The following SLC16A12 variants were observed in gnomAD, a reference collection of about 807,000 sequenced individuals.
SLC16A12 encodes the protein monocarboxylate transporter 12.
In SLC16A12, 17 loss-of-function variants were observed where a neutral mutation model predicts 42.4. The observed-to-expected ratio is 0.40, with a 90% CI of 0.27 to 0.60. SLC16A12 has a LOEUF of 0.60. Among genes scored for constraint, SLC16A12 ranks in the 20% least tolerant of loss-of-function variants. The probability of loss-of-function intolerance (pLI) is 0.42; values close to 1 mark genes in which losing one functional copy is unlikely to be tolerated. For missense variants in SLC16A12, 544 were observed against 623.0 expected (o/e 0.87, Z 1.35); for synonymous variants, 224 against 229.4 (o/e 0.98, Z 0.21).
intron 3 of SLC16A12, 102 bp from the exon 4 acceptor site, chr10:89,443,961 G>A: frequency 1.3e-6 from 1 of 756,788 alleles, no homozygotes. Flanking sequence ...TGTTTCCAAG[G>A]GTTTTAATTG....
chr10:89,492,206 A>C (rs912990955), intron 2 of SLC16A12, among the ~76,000 whole-genome samples: 1 of 152,220 alleles, frequency 6.6e-6, no homozygotes, highest in Non-Finnish European at 1.5e-5. Flanking sequence ...TGCATGTGTT[A>C]ATTGATCACA....
chr10:89,554,078 A>AGG (rs1203864370), intron 2 of SLC16A12, among the ~76,000 whole-genome samples: 64 of 121,600 alleles, frequency 5.3e-4, no homozygotes, highest in Admixed American at 1.1e-3. Context: ...GAAAGAAAGA[A>AGG]AGAAAGAAAG....
At chr10:89,539,861 C>CTTTA (rs1414958255), upstream of SLC16A12, among the ~76,000 whole-genome samples, 20 of 117,826 alleles carry the variant, frequency 1.7e-4, no homozygotes, top group Middle Eastern at 3.9e-3. Flanking sequence ...ACAAATTTTT[C>CTTTA]TTTCTTTCTT....
chr10:89,502,037 C>T (rs1301258984), intron 2 of SLC16A12, among the ~76,000 whole-genome samples: 1 of 152,134 alleles, frequency 6.6e-6, no homozygotes, highest in Non-Finnish European at 1.5e-5. Flanking sequence ...TACTGTGTTG[C>T]TTTTAAGTTA....
intron 3 of SLC16A12, among the ~76,000 whole-genome samples, chr10:89,444,914 T>C (rs1003822540): frequency 6.6e-6 from 1 of 152,244 alleles, no homozygotes; most frequent in African/African-American, 2.4e-5. Context: ...GCTTTTCCAA[T>C]GGTCTTAGCA....
At chr10:89,514,799 C>T (rs372325982) in intron 2 of SLC16A12, among the ~76,000 whole-genome samples, 43 of 152,208 alleles carry the variant, frequency 2.8e-4, no homozygotes, top group East Asian at 1.7e-3. Context: ...TGAAAAGGAG[C>T]GGGCCGGGTG....
At chr10:89,488,505 T>G (rs112088153) in intron 2 of SLC16A12, among the ~76,000 whole-genome samples, 2,103 of 152,244 alleles carry the variant, frequency 0.014, 54 homozygotes, top group Middle Eastern at 0.017. Flanking sequence ...TAATAAGGAC[T>G]TAGGAAACAA....
chr10:89,555,486 C>CGTATATATACGTATATACGTATATATAT (rs1232237493), intron 2 of SLC16A12, among the ~76,000 whole-genome samples: 12 of 143,950 alleles, frequency 8.3e-5, no homozygotes, highest in African/African-American at 2.8e-4. Flanking sequence ...TGTATATATA[C>CGTATATATACGTATATACGTATATATAT]GTATATATAC....
Position 89,445,164 on chromosome 10 carries a change from C to T in SLC16A12, c.201-1305G>A, listed in dbSNP as rs148401542. Reference sequence around the variant, plus strand: ...ACCTCTGGGGGAGGGCATAGCTGAACAAAAGGGAGCAGAAACTTCTGCAGA... The same window carrying T: ...ACCTCTGGGGGAGGGCATAGCTGAATAAAAGGGAGCAGAAACTTCTGCAGA... On this transcript the variant is annotated intron_variant, in intron 3 of 7. Coordinates refer to ENST00000371790, the MANE Select transcript of SLC16A12 (RefSeq NM_213606.4). Among the ~76,000 whole-genome samples, 466 of 152,350 alleles carry T rather than the reference C, an allele frequency of 3.1e-3. 19 individuals are homozygous for T. In the East Asian group the frequency reaches 0.074, roughly 24 times the overall value.
In SLC16A12 at chr10:89,485,632, G is replaced by A. The variant is rs116396578; in HGVS notation, c.-46-23008C>T. ...GGCAGGAAGAGGGATTCAGGCATGG[G>A]GAAGAGTGTATTAAACACAGAGACT... On this transcript the variant is annotated intron_variant, in intron 2 of 7. Transcript: ENST00000371790. Among the ~76,000 whole-genome samples, 345 of 152,308 alleles carry A rather than the reference G, an allele frequency of 2.3e-3. 1 individual carries two copies. Among genetic ancestry groups the A allele is most frequent in the African/African-American group, 7.8e-3 (325 of 41,554 alleles).
At chr10:89,502,249 G>A (rs1843000122) in intron 2 of SLC16A12, among the ~76,000 whole-genome samples, 1 of 152,134 alleles carries the variant, frequency 6.6e-6, no homozygotes, top group Non-Finnish European at 1.5e-5. Context: ...AGGAGTTCGA[G>A]ACCAGCCTGT....
chr10:89,522,845 A>G (rs1020467918), intron 2 of SLC16A12, among the ~76,000 whole-genome samples: 2 of 152,238 alleles, frequency 1.3e-5, no homozygotes, highest in Admixed American at 6.5e-5. Context: ...TATGTAAGGT[A>G]TTTTAACAAT....
At position 89,438,845 on chromosome 10, in the gene SLC16A12, C is replaced by A. The variant is rs1190526514; in HGVS notation, c.787G>T (p.Ala263Ser). The A allele has an allele frequency of 6.2e-7, 1 of 1,614,142 alleles. No homozygotes were observed. Among genetic ancestry groups the A allele is most frequent in the African/African-American group, 1.3e-5 (1 of 75,030 alleles). ...SPYSSLTKEW[A>S]QTCLCCCLQQ... The stretch of plus-strand genomic sequence containing the variant: ...AAACAGCAACAGAGGCAAGTCTGTG[C>A]CCATTCTTTGGTCAAAGATGAATAG... The change falls in exon 6 of 8, where the codon GCA becomes TCA. Residue 263 changes from alanine (A) to serine (S), a missense_variant. Coordinates refer to ENST00000371790, the MANE Select transcript of SLC16A12 (RefSeq NM_213606.4).
chr10:89,483,981 G>A (rs915778870), intron 2 of SLC16A12, among the ~76,000 whole-genome samples: 6 of 152,074 alleles, frequency 3.9e-5, no homozygotes, highest in African/African-American at 1.4e-4. Context: ...GTGTAAACTT[G>A]GTCATGTTAC....
chr10:89,481,631 GT>G lies in SLC16A12; in HGVS notation c.-46-19008del, dbSNP rs11315207. On this transcript the variant is annotated intron_variant, in intron 2 of 7. Transcript: ENST00000371790. ...GGTTGGCTACTATCTAATTGACACTGTTTTTTTTTTCTTGTGTGTGTGTGTG... is the reference window on the plus strand; with the variant it reads ...GGTTGGCTACTATCTAATTGACACTGTTTTTTTTTCTTGTGTGTGTGTGTG... Among the ~76,000 whole-genome samples the G allele has an allele frequency of 8.0e-3, 1,129 of 141,670 alleles. 12 individuals carry two copies. Among genetic ancestry groups the G allele is most frequent in the African/African-American group, 0.027 (1,017 of 38,288 alleles). The allele number at this position is 141,670 out of a possible 152,430, so 92.9% of individuals were successfully genotyped here.
At chr10:89,480,643 T>C (rs1236674686) in intron 2 of SLC16A12, among the ~76,000 whole-genome samples, 1 of 152,186 alleles carries the variant, frequency 6.6e-6, no homozygotes, top group Non-Finnish European at 1.5e-5. Context: ...AATAGTAACA[T>C]GATTAGAAAA....
chr10:89,480,790 G>A (rs963945923), intron 2 of SLC16A12, among the ~76,000 whole-genome samples: 2 of 152,146 alleles, frequency 1.3e-5, no homozygotes, highest in Non-Finnish European at 2.9e-5. Flanking sequence ...ACACAAAAGA[G>A]TTAAATGGAG....
At chr10:89,464,334 G>A (rs989021816) in intron 2 of SLC16A12, among the ~76,000 whole-genome samples, 1 of 152,096 alleles carries the variant, frequency 6.6e-6, no homozygotes, top group African/African-American at 2.4e-5. Context: ...AGCTATTTCT[G>A]GATTCTGGCC....
intron 3 of SLC16A12, among the ~76,000 whole-genome samples, chr10:89,449,096 C>G (rs150125393): frequency 2.5e-4 from 38 of 152,016 alleles, no homozygotes; most frequent in Middle Eastern, 6.8e-3. Context: ...CACTGCTCAA[C>G]GAAATAAAAG....
Sources: gnomAD v4.1 joint callset for allele counts (sites outside exome capture counted in the v4.1 genomes callset) on GRCh38, gnomAD v4.1.1 for gene constraint, MANE v1.5 for transcripts, NCBI Gene and HGNC (gene_info 2026-07-23, HGNC 2026-07-21) for gene names.